Variants in NRCAM observed in about 807,000 individuals in gnomAD.
NRCAM encodes the protein neuronal cell adhesion molecule.
Under a neutral mutation model 156.5 loss-of-function variants are expected in NRCAM, and 83 were observed. The observed-to-expected ratio is 0.53, with a 90% CI of 0.44 to 0.64. The LOEUF (loss-of-function observed/expected upper bound fraction) is 0.64, where lower values mean the gene tolerates loss of function less well. Among genes scored for constraint, NRCAM ranks in the 30% least tolerant of loss-of-function variants. NRCAM has a pLI of 0.00. For missense variants in NRCAM, 1,417 were observed against 1,597.3 expected (o/e 0.89, Z 1.92); for synonymous variants, 538 against 563.9 (o/e 0.95, Z 0.65).
At chr7:108,192,808 T>C (rs1472891742) in intron 17 of NRCAM, among the ~76,000 whole-genome samples, 2 of 152,184 alleles carry the variant, frequency 1.3e-5, no homozygotes, top group Admixed American at 1.3e-4. Context: ...AATAATTTGC[T>C]TTATCACTAG....
At chr7:108,283,189 G>A (rs2097922440) in intron 3 of NRCAM, among the ~76,000 whole-genome samples, 1 of 152,156 alleles carries the variant, frequency 6.6e-6, no homozygotes. Context: ...TTTTGGTGGT[G>A]GGAAGTTGGT....
chr7:108,360,932 A>T (rs1255227508), intron 2 of NRCAM, among the ~76,000 whole-genome samples: 1 of 152,180 alleles, frequency 6.6e-6, no homozygotes, highest in African/African-American at 2.4e-5. Flanking sequence ...TTTATATATG[A>T]CATCAAAAGT....
At chr7:108,406,638 A>G (rs1026350822) in intron 1 of NRCAM, among the ~76,000 whole-genome samples, 1 of 152,234 alleles carries the variant, frequency 6.6e-6, no homozygotes, top group Admixed American at 6.5e-5. Flanking sequence ...TTACTGGAAA[A>G]CAGCTGGAGT....
chr7:108,164,345 C>A (rs941632663), intron 30 of NRCAM, among the ~76,000 whole-genome samples: 1 of 151,930 alleles, frequency 6.6e-6, no homozygotes, highest in Admixed American at 6.6e-5. Context: ...AAGAAATATA[C>A]CTTAGAAATC....
intron 1 of NRCAM, among the ~76,000 whole-genome samples, chr7:108,442,678 T>C (rs1051171985): frequency 1.3e-5 from 2 of 152,222 alleles, no homozygotes; most frequent in East Asian, 1.9e-4. Flanking sequence ...AAAATGACTT[T>C]GGTCAATCAC....
chr7:108,229,403 C>A (rs1041202910), intron 8 of NRCAM, among the ~76,000 whole-genome samples: 1 of 152,196 alleles, frequency 6.6e-6, no homozygotes, highest in Admixed American at 6.5e-5. Flanking sequence ...GCTGGGATTA[C>A]AGTGTCAGCC....
intron 1 of NRCAM, among the ~76,000 whole-genome samples, chr7:108,424,084 G>A (rs1436635682): frequency 1.3e-5 from 2 of 152,074 alleles, no homozygotes; most frequent in Non-Finnish European, 2.9e-5. Flanking sequence ...TCACCTCTTT[G>A]AGCCCACCGA....
intron 2 of NRCAM, among the ~76,000 whole-genome samples, chr7:108,390,079 TAGGGAGG>T (rs1037364278): frequency 3.7e-4 from 56 of 152,332 alleles, no homozygotes; most frequent in African/African-American, 1.3e-3. Context: ...TAAAATGACT[TAGGGAGG>T]ATTCCCTTTT....
chr7:108,368,224 A>ACCCCCCCCCC, intron 2 of NRCAM, among the ~76,000 whole-genome samples: 209 of 90,996 alleles, frequency 2.3e-3, no homozygotes, highest in African/African-American at 3.0e-3. Flanking sequence ...ACACTTTCAT[A>ACCCCCCCCCC]CCCCCCCCCA....
At chr7:108,150,804 T>C in intron 32 of NRCAM, 1 of 466,622 alleles carries the variant, frequency 2.1e-6, no homozygotes. Context: ...TATTTTTTTG[T>C]TTTTTTGGTA....
At chr7:108,238,323 A>G (rs1429252114) in intron 4 of NRCAM, among the ~76,000 whole-genome samples, 1 of 152,204 alleles carries the variant, frequency 6.6e-6, no homozygotes, top group Non-Finnish European at 1.5e-5. Flanking sequence ...GACTGTTAGC[A>G]GATTTCTGCT....
intron 2 of NRCAM, among the ~76,000 whole-genome samples, chr7:108,352,999 T>G (rs527883770): frequency 5.9e-5 from 9 of 152,242 alleles, no homozygotes; most frequent in African/African-American, 1.7e-4. Flanking sequence ...AAGCCACTAT[T>G]TTTTTCCCAC....
intron 2 of NRCAM, among the ~76,000 whole-genome samples, chr7:108,326,636 C>T (rs17155446): frequency 0.078 from 11,849 of 152,128 alleles, 487 homozygotes; most frequent in East Asian, 0.11. Context: ...AGAAGGAAGA[C>T]GTGGCAAGTG....
At chr7:108,437,484 C>T (rs1431354596) in intron 1 of NRCAM, among the ~76,000 whole-genome samples, 1 of 152,048 alleles carries the variant, frequency 6.6e-6, no homozygotes, top group African/African-American at 2.4e-5. Context: ...ACAGATGTTC[C>T]ATTTTTCATG....
At chr7:108,242,658 A>C (rs371398432) in intron 3 of NRCAM, among the ~76,000 whole-genome samples, 2 of 152,216 alleles carry the variant, frequency 1.3e-5, no homozygotes, top group Admixed American at 6.5e-5. Context: ...ATAAAACAAA[A>C]GAACCAAACT....
chr7:108,321,993 T>C (rs951876440), intron 2 of NRCAM, among the ~76,000 whole-genome samples: 1 of 152,198 alleles, frequency 6.6e-6, no homozygotes, highest in Non-Finnish European at 1.5e-5. Flanking sequence ...ATGCATTTCC[T>C]TAAAAGGAAG....
At chr7:108,277,129 C>T (rs2097663667) in intron 3 of NRCAM, among the ~76,000 whole-genome samples, 1 of 152,134 alleles carries the variant, frequency 6.6e-6, no homozygotes, top group South Asian at 2.1e-4. Flanking sequence ...GACTTCCCTT[C>T]GTGGGTAACC....
chr7:108,420,074 A>C (rs1021442293), intron 1 of NRCAM, among the ~76,000 whole-genome samples: 1 of 118,706 alleles, frequency 8.4e-6, no homozygotes, highest in African/African-American at 3.1e-5. Context: ...GTGTGTGTTT[A>C]TTTTTAATTT....
intron 3 of NRCAM, among the ~76,000 whole-genome samples, chr7:108,271,741 G>A (rs998333194): frequency 2.0e-5 from 3 of 151,440 alleles, no homozygotes; most frequent in Non-Finnish European, 4.4e-5. Flanking sequence ...ATTACCATAG[G>A]GTAACCTGAA....
Sources: allele counts gnomAD v4.1 joint callset (sites outside exome capture counted in the v4.1 genomes callset), GRCh38; gene constraint gnomAD v4.1.1; transcripts MANE v1.5; gene names NCBI Gene and HGNC (gene_info 2026-07-23, HGNC 2026-07-21).